Variants in CSMD1 observed in about 807,000 individuals in gnomAD.
The protein encoded by CSMD1 is CUB and sushi domain-containing protein 1.
In CSMD1, 213 loss-of-function variants were observed where a neutral mutation model predicts 417.5. That is an observed-to-expected ratio of 0.51 (90% CI 0.46 to 0.57). The LOEUF (loss-of-function observed/expected upper bound fraction) is 0.57, where lower values mean the gene tolerates loss of function less well. Ranked by LOEUF, CSMD1 falls within the 20% of genes least tolerant of loss-of-function variation. The pLI is 0.00. For synonymous variants in CSMD1, 2,862 were observed against 1,736.8 expected (o/e 1.65, Z -16.11); for missense variants, 6,923 against 4,529.7 (o/e 1.53, Z -15.17).
In CSMD1 at chr8:4,136,473, C is replaced by T. The variant is rs199949131; in HGVS notation, c.416-104374G>A. Among the ~76,000 whole-genome samples, 16 of 152,248 alleles carry T rather than the reference C, an allele frequency of 1.1e-4. No individual in the cohort carries two copies. In the East Asian group the frequency reaches 3.1e-3, roughly 29 times the overall value. On this transcript the variant is annotated intron_variant, in intron 3 of 69. Transcript: ENST00000635120. ...AAAAATGCCTCTGTGTGTTAGCAAA[C>T]CAAAGAACTGGATGCTATTATATTA...
chr8:4,941,688 C>G (rs915528257), intron 1 of CSMD1, among the ~76,000 whole-genome samples: 1 of 151,970 alleles, frequency 6.6e-6, no homozygotes, highest in East Asian at 1.9e-4. Flanking sequence ...AGCCTCGATC[C>G]CTCTAGCTCA....
At position 3,843,842 on chromosome 8, in the gene CSMD1, G is replaced by T. The variant is rs115739902; in HGVS notation, c.819-89800C>A. On this transcript the variant is annotated intron_variant, in intron 5 of 69. Coordinates refer to ENST00000635120, the MANE Select transcript of CSMD1 (RefSeq NM_033225.6). ...GTTTTAGGAATCAAATGGATATAAT[G>T]TACCTTCGAAAGTAAAGAGGGACAG... is the stretch of plus-strand genomic sequence containing the variant. Among the ~76,000 whole-genome samples, 1,271 of 152,238 alleles carry T rather than the reference G, an allele frequency of 8.3e-3. 19 individuals carry two copies. Among genetic ancestry groups the T allele is most frequent in the African/African-American group, 0.028 (1,161 of 41,530 alleles).
intron 12 of CSMD1, among the ~76,000 whole-genome samples, chr8:3,421,377 G>T (rs563748912): frequency 6.6e-6 from 1 of 152,148 alleles, no homozygotes; most frequent in Admixed American, 6.6e-5. Flanking sequence ...CAGAGATAAA[G>T]GAATGACCAA....
At chr8:3,379,913 G>C (rs974946659) in intron 18 of CSMD1, among the ~76,000 whole-genome samples, 2 of 151,898 alleles carry the variant, frequency 1.3e-5, no homozygotes, top group African/African-American at 4.8e-5. Flanking sequence ...TATAATTAAA[G>C]AGCTTCTGCA....
At chr8:3,780,497 T>C (rs1435448713) in intron 5 of CSMD1, among the ~76,000 whole-genome samples, 2 of 152,212 alleles carry the variant, frequency 1.3e-5, no homozygotes, top group Non-Finnish European at 2.9e-5. Flanking sequence ...TCAGTAACCA[T>C]TCCATCAAGT....
chr8:3,649,300 T>G (rs1797728774), intron 7 of CSMD1, among the ~76,000 whole-genome samples: 1 of 152,156 alleles, frequency 6.6e-6, no homozygotes, highest in Non-Finnish European at 1.5e-5. Context: ...GAAAAAAACA[T>G]GAAACTCTTA....
intron 1 of CSMD1, among the ~76,000 whole-genome samples, chr8:4,651,518 G>T (rs918816781): frequency 6.6e-6 from 1 of 152,128 alleles, no homozygotes; most frequent in Admixed American, 6.5e-5. Flanking sequence ...AAAAAATAAA[G>T]TTTACTGGTT....
chr8:4,205,017 T>C (rs1799892194), intron 3 of CSMD1, among the ~76,000 whole-genome samples: 1 of 152,172 alleles, frequency 6.6e-6, no homozygotes, highest in Admixed American at 6.5e-5. Context: ...TTCTTTCTCA[T>C]GTATTCAAGC....
At chr8:2,990,497 C>G (rs912227679) in intron 54 of CSMD1, among the ~76,000 whole-genome samples, 19 of 152,294 alleles carry the variant, frequency 1.2e-4, no homozygotes, top group African/African-American at 4.1e-4. Context: ...GTGAGCCTCT[C>G]TCTACGAACC....
intron 2 of CSMD1, among the ~76,000 whole-genome samples, chr8:4,446,015 G>A (rs1268404588): frequency 6.6e-6 from 1 of 152,084 alleles, no homozygotes; most frequent in Non-Finnish European, 1.5e-5. Context: ...CCCTGACTCT[G>A]TGCCAACTCT....
intron 1 of CSMD1, among the ~76,000 whole-genome samples, chr8:4,674,993 C>G (rs879740258): frequency 2.2e-4 from 34 of 152,144 alleles, no homozygotes; most frequent in Non-Finnish European, 4.1e-4. Context: ...TGTCTCCAAA[C>G]CAAGAAGAGA....
chr8:4,576,453 C>G (rs1799140718), intron 2 of CSMD1, among the ~76,000 whole-genome samples: 1 of 152,160 alleles, frequency 6.6e-6, no homozygotes, highest in South Asian at 2.1e-4. Context: ...CCTTAATAGT[C>G]CTTCGTTTGG....
chr8:4,208,267 C>T (rs1229976697), intron 3 of CSMD1, among the ~76,000 whole-genome samples: 1 of 151,962 alleles, frequency 6.6e-6, no homozygotes, highest in Non-Finnish European at 1.5e-5. Flanking sequence ...CGGTCAAATA[C>T]ACAGAGGACA....
chr8:3,440,443 G>T (rs192373307), intron 12 of CSMD1, among the ~76,000 whole-genome samples: 2 of 152,094 alleles, frequency 1.3e-5, no homozygotes, highest in South Asian at 2.1e-4. Context: ...GGGTGTTCAC[G>T]TGTTCATATT....
At chr8:3,715,024 A>C (rs565872224) in intron 6 of CSMD1, among the ~76,000 whole-genome samples, 2 of 152,208 alleles carry the variant, frequency 1.3e-5, no homozygotes, top group Non-Finnish European at 2.9e-5. Flanking sequence ...AAAATGTTTA[A>C]CTTATTCATT....
intron 1 of CSMD1, among the ~76,000 whole-genome samples, chr8:4,961,435 G>A (rs541782681): frequency 4.5e-4 from 69 of 152,058 alleles, no homozygotes; most frequent in Non-Finnish European, 7.5e-4. Context: ...TCCTTGAAAT[G>A]TCCTCTTCTA....
At chr8:4,392,724 C>G (rs1373411560) in intron 3 of CSMD1, among the ~76,000 whole-genome samples, 3 of 151,356 alleles carry the variant, frequency 2.0e-5, no homozygotes, top group Admixed American at 2.0e-4. Flanking sequence ...AATACCAGCA[C>G]TTTGGGAGGC....
intron 3 of CSMD1, among the ~76,000 whole-genome samples, chr8:4,397,182 G>T (rs1465242926): frequency 2.6e-5 from 4 of 152,000 alleles, no homozygotes; most frequent in African/African-American, 4.8e-5. Flanking sequence ...TGATCAACAT[G>T]TATGTGTTTG....
intron 10 of CSMD1, among the ~76,000 whole-genome samples, chr8:3,524,411 GCACA>G (rs1326684012): frequency 1.1e-4 from 16 of 142,950 alleles, no homozygotes; most frequent in Non-Finnish European, 2.1e-4. Flanking sequence ...CCAGACATAT[GCACA>G]CACAACCAGA....
Sources: allele counts gnomAD v4.1 joint callset (sites outside exome capture counted in the v4.1 genomes callset), GRCh38; gene constraint gnomAD v4.1.1; transcripts MANE v1.5; gene names NCBI Gene and HGNC (gene_info 2026-07-23, HGNC 2026-07-21).